Variants in SLAMF6 observed in about 807,000 individuals in gnomAD.
SLAMF6 encodes the protein SLAM family member 6, also known as NK-T-B-antigen.
In SLAMF6, 21 loss-of-function variants were observed where a neutral mutation model predicts 38.3. The observed-to-expected ratio is 0.55, with a 90% CI of 0.39 to 0.79. SLAMF6 has a LOEUF of 0.79. Among genes scored for constraint, SLAMF6 ranks in the 30% least tolerant of loss-of-function variants. SLAMF6 has a pLI of 0.00. For synonymous variants in SLAMF6, 152 were observed against 146.3 expected (o/e 1.04, Z -0.28); for missense variants, 341 against 385.3 (o/e 0.89, Z 0.96).
chr1:160,520,353 C>T (rs941059380), intron 1 of SLAMF6, among the ~76,000 whole-genome samples: 2 of 152,120 alleles, frequency 1.3e-5, no homozygotes, highest in Non-Finnish European at 2.9e-5. Flanking sequence ...TTTCTTCCTC[C>T]CTACAATCCC....
intron 1 of SLAMF6, among the ~76,000 whole-genome samples, chr1:160,520,642 T>C (rs186639044): frequency 6.6e-6 from 1 of 152,336 alleles, no homozygotes; most frequent in East Asian, 1.9e-4. Context: ...TATTGTTTTG[T>C]TCTGTTAGTT....
intron 1 of SLAMF6, among the ~76,000 whole-genome samples, chr1:160,514,118 G>C (rs1654628005): frequency 6.6e-6 from 1 of 152,118 alleles, no homozygotes; most frequent in South Asian, 2.1e-4. Context: ...GTATTCAAGA[G>C]ACTCATCTCA....
intron 1 of SLAMF6, among the ~76,000 whole-genome samples, chr1:160,496,676 C>T (rs1310281297): frequency 6.6e-6 from 1 of 152,186 alleles, no homozygotes; most frequent in African/African-American, 2.4e-5. Context: ...ACTCCTAGGT[C>T]ATAACTATAC....
intron 1 of SLAMF6, among the ~76,000 whole-genome samples, chr1:160,520,545 C>T (rs1463641767): frequency 1.3e-5 from 2 of 152,114 alleles, no homozygotes; most frequent in Admixed American, 6.6e-5. Flanking sequence ...GACAAATTTC[C>T]AACTTTCCAT....
intron 1 of SLAMF6, among the ~76,000 whole-genome samples, chr1:160,518,918 TTAAAA>T (rs1172256812): frequency 2.6e-5 from 4 of 152,078 alleles, no homozygotes; most frequent in Admixed American, 6.6e-5. Flanking sequence ...ATCCTGGAAC[TTAAAA>T]TAAAATGATA....
intron 6 of SLAMF6, among the ~76,000 whole-genome samples, chr1:160,487,718 G>A (rs943190556): frequency 2.0e-5 from 3 of 152,110 alleles, no homozygotes; most frequent in African/African-American, 7.2e-5. Flanking sequence ...AGAAATAATA[G>A]CAGAAGTCCC....
Position 160,485,610 on chromosome 1 carries a change from AT to A in SLAMF6, c.*1096del, listed in dbSNP as rs1390528698. The A allele has an allele frequency of 1.3e-5, 2 of 152,236 alleles. No individual in the cohort carries two copies. The highest frequency in any genetic ancestry group is 4.8e-5 in the African/African-American group (2 of 41,424). 9.4% of individuals were successfully genotyped at this position (152,236 alleles called of 1,614,324 possible). The stretch of plus-strand genomic sequence containing the variant: ...GACCATCCAGGGCCATGGAAACTGG[AT>A]TTCTTTCTGAGTGCATTGGGAAACC... On this transcript the variant is annotated 3_prime_UTR_variant, in exon 8 of 8. Coordinates refer to ENST00000368057, the MANE Select transcript of SLAMF6 (RefSeq NM_001184714.2).
chr1:160,509,559 C>T (rs569747679), intron 1 of SLAMF6, among the ~76,000 whole-genome samples: 30 of 152,104 alleles, frequency 2.0e-4, no homozygotes, highest in Non-Finnish European at 3.5e-4. Context: ...ATGTAAATGA[C>T]GAGTTGATGG....
chr1:160,506,051 A>G (rs1654170713), intron 1 of SLAMF6, among the ~76,000 whole-genome samples: 2 of 152,132 alleles, frequency 1.3e-5, no homozygotes, highest in African/African-American at 4.8e-5. Context: ...AATAAGCATA[A>G]TAGGAGTCCA....
chr1:160,499,059 A>G (rs1653744030), intron 1 of SLAMF6, among the ~76,000 whole-genome samples: 1 of 152,168 alleles, frequency 6.6e-6, no homozygotes, highest in South Asian at 2.1e-4. Flanking sequence ...GAAGCTCTAT[A>G]GTTTACTTAG....
chr1:160,495,101 T>G (rs1653504065), intron 2 of SLAMF6, among the ~76,000 whole-genome samples: 1 of 152,224 alleles, frequency 6.6e-6, no homozygotes, highest in Non-Finnish European at 1.5e-5. Context: ...AAAGTTAACA[T>G]GTAATCTGTC....
chr1:160,511,074 G>C lies in SLAMF6; in HGVS notation c.49+12070C>G, dbSNP rs540148941. Among the ~76,000 whole-genome samples the C allele has an allele frequency of 3.2e-4, 48 of 152,186 alleles. No individual in the cohort carries two copies. The South Asian group carries it at 3.5e-3, about 11-fold the overall frequency. On this transcript the variant is annotated intron_variant, in intron 1 of 7. Transcript: ENST00000368057. ...TGAAAACTAAATAACATTTCTGAAA[G>C]AAAGAAAATCTAAATAAATGGAAAT...
Position 160,486,551 on chromosome 1 carries a change from C to A in SLAMF6, c.*156G>T. On this transcript the variant is annotated 3_prime_UTR_variant, in exon 8 of 8. Transcript: ENST00000368057. Reference sequence around the variant, plus strand: ...TCCTTAGGTGTTTGACTCAGGTAGGCAGGTTTAAGTCCGAAGGACTGGAGG... The same window carrying A: ...TCCTTAGGTGTTTGACTCAGGTAGGAAGGTTTAAGTCCGAAGGACTGGAGG... 1.5e-6 allele frequency: 1 copy of A among 663,978 alleles called. No homozygotes were observed. The highest frequency in any genetic ancestry group is 1.9e-5 in the South Asian group (1 of 52,934). The allele number at this position is 663,978 out of a possible 1,614,324, so 41.1% of individuals were successfully genotyped here.
chr1:160,492,146 T>TA (rs2102020199), intron 2 of SLAMF6, among the ~76,000 whole-genome samples: 1 of 152,186 alleles, frequency 6.6e-6, no homozygotes, highest in East Asian at 1.9e-4. Context: ...TAGTAAGATG[T>TA]AACTGTGAAC....
chr1:160,520,699 A>G (rs1654946110), intron 1 of SLAMF6, among the ~76,000 whole-genome samples: 1 of 152,160 alleles, frequency 6.6e-6, no homozygotes, highest in African/African-American at 2.4e-5. Context: ...ATTTTTCAAT[A>G]TGGTTTGTCT....
intron 1 of SLAMF6, among the ~76,000 whole-genome samples, chr1:160,504,850 A>G (rs1369206382): frequency 5.3e-5 from 8 of 152,216 alleles, no homozygotes; most frequent in African/African-American, 1.4e-4. Flanking sequence ...AAAGCCACAT[A>G]CATGCCTAGG....
At position 160,491,170 on chromosome 1, in the gene SLAMF6, C is replaced by G; in HGVS notation, c.601G>C (p.Val201Leu). 5 of 1,614,078 alleles carry G rather than the reference C, an allele frequency of 3.1e-6. No individual in the cohort carries two copies. The highest frequency in any genetic ancestry group is 3.4e-6 in the Non-Finnish European group (4 of 1,179,970). ...QDYTCIAENA[V>L]SNLSFSVSAQ... Reference sequence around the variant, plus strand: ...GAGACAGAGAAGGATAAATTACTGACAGCATTCTCTGCTATGCAGGTGTAG... The same window carrying G: ...GAGACAGAGAAGGATAAATTACTGAGAGCATTCTCTGCTATGCAGGTGTAG... Residue 201 changes from valine to leucine, a missense_variant, in exon 3 of 8, where the codon GTC (valine) becomes CTC (leucine). Val to Leu is a conservative substitution (Grantham distance 32). Transcript: ENST00000368057.
chr1:160,489,435 G>A (rs1008666605), intron 5 of SLAMF6, among the ~76,000 whole-genome samples: 14 of 152,178 alleles, frequency 9.2e-5, no homozygotes, highest in African/African-American at 3.4e-4. Flanking sequence ...GGCTTCACAT[G>A]TGGGTCAGGA....
intron 1 of SLAMF6, among the ~76,000 whole-genome samples, chr1:160,502,453 GT>G (rs1373600231): frequency 3.9e-5 from 6 of 152,182 alleles, no homozygotes; most frequent in Non-Finnish European, 7.3e-5. Flanking sequence ...TTCATCTACT[GT>G]ATGATGTGTT....
Sources: gnomAD v4.1 joint callset for allele counts (sites outside exome capture counted in the v4.1 genomes callset) on GRCh38, gnomAD v4.1.1 for gene constraint, MANE v1.5 for transcripts, NCBI Gene and HGNC (gene_info 2026-07-23, HGNC 2026-07-21) for gene names.